Variants in OPCML observed in about 807,000 individuals in gnomAD.
OPCML encodes the protein opioid-binding protein/cell adhesion molecule.
A neutral mutation model predicts 37.8 loss-of-function variants in OPCML; 13 were observed. The observed-to-expected ratio is 0.34, with a 90% CI of 0.22 to 0.55. The LOEUF (loss-of-function observed/expected upper bound fraction) is 0.55, where lower values mean the gene tolerates loss of function less well. OPCML is among the 20% of genes least tolerant of loss of function. The pLI is 0.91. For synonymous variants in OPCML, 176 were observed against 168.8 expected (o/e 1.04, Z -0.33); for missense variants, 341 against 435.6 (o/e 0.78, Z 1.93).
At chr11:133,062,700 G>A (rs1285233245) in intron 1 of OPCML, among the ~76,000 whole-genome samples, 7 of 152,288 alleles carry the variant, frequency 4.6e-5, no homozygotes, top group Middle Eastern at 6.8e-3. Flanking sequence ...AGACCCCACT[G>A]CCCACTCTTG....
chr11:133,519,528 T>C (rs1474284834), intron 1 of OPCML, among the ~76,000 whole-genome samples: 1 of 152,066 alleles, frequency 6.6e-6, no homozygotes, highest in Non-Finnish European at 1.5e-5. Context: ...CATGAACAGT[T>C]GAAAATAAAG....
At chr11:132,537,317 A>C (rs2096343467) in intron 3 of OPCML, among the ~76,000 whole-genome samples, 1 of 152,244 alleles carries the variant, frequency 6.6e-6, no homozygotes, top group Non-Finnish European at 1.5e-5. Context: ...ACAAGGTGCC[A>C]AGTCAATTCA....
chr11:133,423,763 G>A (rs1945943049), intron 1 of OPCML, among the ~76,000 whole-genome samples: 1 of 152,136 alleles, frequency 6.6e-6, no homozygotes, highest in Non-Finnish European at 1.5e-5. Flanking sequence ...TTTGGATCAT[G>A]GGGACAGATC....
intron 1 of OPCML, among the ~76,000 whole-genome samples, chr11:133,270,485 A>G (rs1305195782): frequency 6.6e-6 from 1 of 152,132 alleles, no homozygotes; most frequent in Non-Finnish European, 1.5e-5. Context: ...CATATAAGGG[A>G]TTGTTTTAGG....
intron 1 of OPCML, among the ~76,000 whole-genome samples, chr11:132,995,438 C>A (rs1451775362): frequency 2.0e-5 from 3 of 151,998 alleles, no homozygotes; most frequent in African/African-American, 4.8e-5. Flanking sequence ...AAGCTAAAAT[C>A]TCTCCTCTTT....
At chr11:133,326,216 G>A (rs934766573) in intron 1 of OPCML, among the ~76,000 whole-genome samples, 1 of 151,242 alleles carries the variant, frequency 6.6e-6, no homozygotes, top group Admixed American at 6.6e-5. Context: ...CTTTGTGTGG[G>A]AAACAAGAAG....
intron 2 of OPCML, among the ~76,000 whole-genome samples, chr11:132,825,298 C>T (rs901014326): frequency 1.3e-5 from 2 of 152,062 alleles, no homozygotes; most frequent in Non-Finnish European, 2.9e-5. Context: ...CTCTAGATAC[C>T]CAGCAATTGA....
chr11:132,558,374 CT>C (rs2096402098), intron 3 of OPCML, among the ~76,000 whole-genome samples: 2 of 20,338 alleles, frequency 9.8e-5, no homozygotes, highest in Admixed American at 4.5e-4. Flanking sequence ...TCCTCCTCCT[CT>C]TCCCCTCCTC....
intron 1 of OPCML, among the ~76,000 whole-genome samples, chr11:133,330,000 C>A (rs1023964174): frequency 7.2e-5 from 11 of 152,154 alleles, no homozygotes; most frequent in African/African-American, 2.7e-4. Context: ...AAAAAACAAA[C>A]AACCCCATCA....
intron 1 of OPCML, among the ~76,000 whole-genome samples, chr11:133,170,800 C>T (rs1950278651): frequency 6.6e-6 from 1 of 152,194 alleles, no homozygotes; most frequent in Non-Finnish European, 1.5e-5. Context: ...GGAGCCACAG[C>T]CCTCTCCATC....
chr11:132,870,177 G>C (rs576853574), intron 2 of OPCML, among the ~76,000 whole-genome samples: 8 of 152,258 alleles, frequency 5.3e-5, no homozygotes, highest in Admixed American at 2.6e-4. Context: ...AACTTGCTCA[G>C]GAATGGGGGA....
rs58343203 is a variant in OPCML at position 133,204,058 on chromosome 11, C to CAAA, written c.62-261051_62-261049dup. ...GGGGGGACAGAGCGAGACTCTGTCT[C>CAAA]AAAAAAAAAAAAAAAAAAAAAAAAA... is the stretch of plus-strand genomic sequence containing the variant. On this transcript the variant is annotated intron_variant, in intron 1 of 7. Coordinates refer to ENST00000524381, the MANE Select transcript of OPCML (RefSeq NM_001012393.5). Among the ~76,000 whole-genome samples the CAAA allele has an allele frequency of 2.8e-3, 185 of 66,476 alleles. 10 individuals are homozygous for CAAA. Among genetic ancestry groups the CAAA allele is most frequent in the African/African-American group, 8.6e-3 (159 of 18,490 alleles). The allele number at this position is 66,476 out of a possible 152,430, so 43.6% of individuals were successfully genotyped here.
chr11:132,930,158 G>A (rs556135492), intron 2 of OPCML, among the ~76,000 whole-genome samples: 1 of 152,218 alleles, frequency 6.6e-6, no homozygotes, highest in African/African-American at 2.4e-5. Flanking sequence ...GAGCCCAGGA[G>A]TTTGAGACCA....
intron 3 of OPCML, among the ~76,000 whole-genome samples, chr11:132,598,870 T>C (rs1937629710): frequency 6.6e-6 from 1 of 152,208 alleles, no homozygotes; most frequent in Non-Finnish European, 1.5e-5. Flanking sequence ...TTAAAAAATA[T>C]ATTTGGCTTT....
chr11:133,330,206 G>A (rs1943583916), intron 1 of OPCML, among the ~76,000 whole-genome samples: 1 of 152,158 alleles, frequency 6.6e-6, no homozygotes, highest in Admixed American at 6.5e-5. Context: ...GAGAGGATGT[G>A]GAGAAATAGG....
intron 1 of OPCML, among the ~76,000 whole-genome samples, chr11:133,218,490 A>G (rs1939680338): frequency 6.6e-6 from 1 of 152,214 alleles, no homozygotes; most frequent in African/African-American, 2.4e-5. Context: ...TTCCAAAAAG[A>G]AGCTGAGGTA....
At chr11:133,218,864 A>G (rs1392109519) in intron 1 of OPCML, among the ~76,000 whole-genome samples, 1 of 152,170 alleles carries the variant, frequency 6.6e-6, no homozygotes, top group Non-Finnish European at 1.5e-5. Context: ...TAGAGGCAGG[A>G]GAATGGGCTA....
At chr11:132,700,107 A>G (rs1018528525) in intron 2 of OPCML, among the ~76,000 whole-genome samples, 7 of 151,972 alleles carry the variant, frequency 4.6e-5, no homozygotes, top group African/African-American at 1.7e-4. Flanking sequence ...ATAATTGTTC[A>G]TAGTAGTCTC....
intron 4 of OPCML, among the ~76,000 whole-genome samples, chr11:132,481,094 G>C (rs1015433057): frequency 2.0e-5 from 3 of 151,960 alleles, no homozygotes; most frequent in Non-Finnish European, 4.4e-5. Flanking sequence ...AATGTAAATG[G>C]ACTAAATGCT....
Sources: allele counts gnomAD v4.1 joint callset (sites outside exome capture counted in the v4.1 genomes callset), GRCh38; gene constraint gnomAD v4.1.1; transcripts MANE v1.5; gene names NCBI Gene and HGNC (gene_info 2026-07-23, HGNC 2026-07-21).